The following RUNX1T1 variants were observed in gnomAD, a reference collection of about 807,000 sequenced individuals.
RUNX1T1 encodes protein CBFA2T1.
A neutral mutation model predicts 62.8 loss-of-function variants in RUNX1T1; 4 were observed. The observed-to-expected ratio is 0.06, with a 90% CI of 0.03 to 0.15. RUNX1T1 has a LOEUF of 0.15. Among genes scored for constraint, RUNX1T1 ranks in the 10% least tolerant of loss-of-function variants. The pLI, the probability that RUNX1T1 is intolerant of heterozygous loss-of-function variation, is 1.00. For missense variants in RUNX1T1, 508 were observed against 754.3 expected (o/e 0.67, Z 3.82); for synonymous variants, 291 against 286.0 (o/e 1.02, Z -0.18).
intron 1 of RUNX1T1, among the ~76,000 whole-genome samples, chr8:92,046,304 C>T (rs1319129083): frequency 2.6e-5 from 4 of 152,186 alleles, no homozygotes; most frequent in East Asian, 1.9e-4. Flanking sequence ...TTCTAGATCA[C>T]GGTTTATAAT....
At chr8:92,054,941 G>C (rs868202640) in intron 1 of RUNX1T1, among the ~76,000 whole-genome samples, 3 of 152,224 alleles carry the variant, frequency 2.0e-5, no homozygotes, top group South Asian at 2.1e-4. Flanking sequence ...GGAGATGGAG[G>C]TTGCAGTGAG....
chr8:91,984,357 A>G (rs1483535367), intron 8 of RUNX1T1, among the ~76,000 whole-genome samples: 1 of 152,148 alleles, frequency 6.6e-6, no homozygotes, highest in Non-Finnish European at 1.5e-5. Context: ...AGTCTGATCA[A>G]TTTCGGAGAT....
intron 6 of RUNX1T1, 73 bp downstream of exon 7, chr8:91,991,566 T>G: frequency 6.8e-7 from 1 of 1,471,736 alleles, no homozygotes; most frequent in Non-Finnish European, 9.3e-7. Flanking sequence ...AGCCTCAAGT[T>G]AAGTTCAGAA....
chr8:92,034,087 C>T (rs552565799), intron 1 of RUNX1T1, among the ~76,000 whole-genome samples: 6 of 152,050 alleles, frequency 3.9e-5, no homozygotes, highest in African/African-American at 1.4e-4. Context: ...GTTAAAGAGG[C>T]GGAGTTATCT....
intron 1 of RUNX1T1, among the ~76,000 whole-genome samples, chr8:92,083,387 C>T (rs1835584450): frequency 6.6e-6 from 1 of 152,058 alleles, no homozygotes; most frequent in Non-Finnish European, 1.5e-5. Flanking sequence ...CTACAAGGAA[C>T]TTAAACAAAT....
intron 9 of RUNX1T1, among the ~76,000 whole-genome samples, chr8:91,974,471 T>A (rs941100004): frequency 2.0e-5 from 3 of 152,136 alleles, no homozygotes; most frequent in African/African-American, 7.2e-5. Context: ...AAAAGGGAAG[T>A]GCAGAGAAAA....
At chr8:91,960,772 A>C (rs1810265939) in intron 10 of RUNX1T1, among the ~76,000 whole-genome samples, 2 of 152,240 alleles carry the variant, frequency 1.3e-5, no homozygotes, top group Non-Finnish European at 2.9e-5. Flanking sequence ...TTAAGTTCTT[A>C]CTATAACATC....
At chr8:91,969,512 T>G (rs1812329077) in intron 10 of RUNX1T1, among the ~76,000 whole-genome samples, 1 of 152,176 alleles carries the variant, frequency 6.6e-6, no homozygotes, top group Non-Finnish European at 1.5e-5. Flanking sequence ...AGTCCTTATA[T>G]CTTAGCCACA....
intron 2 of RUNX1T1, among the ~76,000 whole-genome samples, chr8:92,072,008 T>A (rs1302774258): frequency 5.3e-5 from 8 of 152,130 alleles, no homozygotes; most frequent in South Asian, 2.1e-4. Flanking sequence ...GTCATTACCC[T>A]CCAAATTTTA....
exon 8 of RUNX1T1, chr8:91,986,268 T>C: frequency 6.2e-7 from 1 of 1,613,850 alleles, no homozygotes. Flanking sequence ...TGACACCGCC[T>C]TAGTACGGTG....
chr8:92,062,699 G>A (rs772988531), exon 1 of RUNX1T1: 1 of 1,609,650 alleles, frequency 6.2e-7, no homozygotes, highest in Non-Finnish European at 8.5e-7. Context: ...CAGGGTGCTG[G>A]GCGCGTGCGC....
intron 5 of RUNX1T1, among the ~76,000 whole-genome samples, chr8:92,000,252 G>A (rs746853856): frequency 8.5e-5 from 13 of 152,060 alleles, no homozygotes; most frequent in Non-Finnish European, 1.6e-4. Context: ...GTTGCAGTGA[G>A]CCCAGATCAG....
In RUNX1T1 at chr8:91,993,752, G is replaced by C. The variant is rs192030006; in HGVS notation, c.660-1863C>G. On this transcript the variant is annotated intron_variant, in intron 5 of 10. Coordinates refer to ENST00000396218, the Ensembl canonical transcript of RUNX1T1. ...CACACCTGTAATCCCAGCACTTTGC[G>C]AGGCCGAGGCGGGAGGATCACCTGA... is the stretch of plus-strand genomic sequence containing the variant. Among the ~76,000 whole-genome samples the C allele has an allele frequency of 9.9e-4, 150 of 152,172 alleles. 1 individual carries two copies. Among genetic ancestry groups the C allele is most frequent in the Middle Eastern group, 3.4e-3 (1 of 294 alleles).
intron 1 of RUNX1T1, among the ~76,000 whole-genome samples, chr8:92,035,881 G>A (rs1420987658): frequency 2.6e-5 from 4 of 152,076 alleles, no homozygotes; most frequent in African/African-American, 9.7e-5. Context: ...AACCATTGGG[G>A]AACCTAGAAC....
intron 2 of RUNX1T1, among the ~76,000 whole-genome samples, chr8:92,068,385 C>G (rs1286450548): frequency 6.6e-6 from 1 of 152,082 alleles, no homozygotes; most frequent in Non-Finnish European, 1.5e-5. Flanking sequence ...GGCATATGCT[C>G]CAATGAACTT....
At chr8:92,018,613 G>GA (rs1823481755) in intron 1 of RUNX1T1, among the ~76,000 whole-genome samples, 1 of 152,066 alleles carries the variant, frequency 6.6e-6, no homozygotes, top group African/African-American at 2.4e-5. Flanking sequence ...ACCACAGTGA[G>GA]AAAATCTCAA....
At chr8:91,957,234 CTCT>C (rs1324313969), downstream of RUNX1T1, 1 of 221,466 alleles carries the variant, frequency 4.5e-6, no homozygotes, top group African/African-American at 2.2e-5. Context: ...TCTTTTCTTT[CTCT>C]TCTTTAGGTT....
intron 1 of RUNX1T1, among the ~76,000 whole-genome samples, chr8:92,048,411 G>A (rs1316769823): frequency 1.3e-5 from 2 of 152,102 alleles, no homozygotes; most frequent in Non-Finnish European, 2.9e-5. Context: ...GGGTATGGTG[G>A]CTCATACCTG....
chr8:92,037,319 T>A (rs1214569922), intron 1 of RUNX1T1, among the ~76,000 whole-genome samples: 1 of 152,210 alleles, frequency 6.6e-6, no homozygotes, highest in Non-Finnish European at 1.5e-5. Flanking sequence ...CCTCTGCCCA[T>A]AAATACATAG....
Sources: gnomAD v4.1 joint callset for allele counts (sites outside exome capture counted in the v4.1 genomes callset) on GRCh38, gnomAD v4.1.1 for gene constraint, MANE v1.5 for transcripts, NCBI Gene and HGNC (gene_info 2026-07-23, HGNC 2026-07-21) for gene names.